Variants in CNTNAP2 observed in about 807,000 individuals in gnomAD.
The protein encoded by CNTNAP2 is contactin-associated protein-like 2.
CNTNAP2 carries 98 observed loss-of-function variants against 155.2 expected under a neutral mutation model. That is an observed-to-expected ratio of 0.63 (90% CI 0.54 to 0.75). CNTNAP2 has a LOEUF of 0.75. Ranked by LOEUF, CNTNAP2 falls within the 30% of genes least tolerant of loss-of-function variation. The pLI is 0.00. For missense variants in CNTNAP2, 1,727 were observed against 1,688.1 expected, an observed-to-expected ratio of 1.02 and a Z score of -0.40; for synonymous variants, 651 against 631.2, an observed-to-expected ratio of 1.03 and a Z score of -0.47.
chr7:147,230,419 G>T (rs370338841), intron 8 of CNTNAP2, among the ~76,000 whole-genome samples: 90 of 152,024 alleles, frequency 5.9e-4, no homozygotes, highest in African/African-American at 2.1e-3. Context: ...CACCATGCTG[G>T]GCTAATTTGT....
intron 8 of CNTNAP2, among the ~76,000 whole-genome samples, chr7:147,284,921 C>G (rs955364929): frequency 2.6e-5 from 4 of 151,772 alleles, no homozygotes; most frequent in African/African-American, 9.7e-5. Flanking sequence ...TGCTAGGAGT[C>G]ATGTAGAAGA....
At chr7:146,404,673 G>A (rs1795765868) in intron 1 of CNTNAP2, among the ~76,000 whole-genome samples, 1 of 152,094 alleles carries the variant, frequency 6.6e-6, no homozygotes, top group Non-Finnish European at 1.5e-5. Flanking sequence ...AACGCCTGTG[G>A]AGCCTCATCT....
intron 10 of CNTNAP2, among the ~76,000 whole-genome samples, chr7:147,468,499 T>C (rs1297844978): frequency 2.0e-5 from 3 of 152,360 alleles, no homozygotes; most frequent in Middle Eastern, 3.4e-3. Context: ...ACGGGACTTA[T>C]GTTAAATATT....
At chr7:146,848,654 G>C (rs1023521984) in intron 3 of CNTNAP2, among the ~76,000 whole-genome samples, 1 of 152,114 alleles carries the variant, frequency 6.6e-6, no homozygotes, top group East Asian at 1.9e-4. Flanking sequence ...GAGAAGAGGG[G>C]CAGGAAGTCA....
intron 11 of CNTNAP2, among the ~76,000 whole-genome samples, chr7:147,528,237 A>G (rs1352173176): frequency 6.6e-6 from 1 of 152,238 alleles, no homozygotes; most frequent in Non-Finnish European, 1.5e-5. Context: ...TATTTAGGGG[A>G]GAAAAATACA....
At chr7:148,369,879 C>A (rs919116536) in intron 21 of CNTNAP2, among the ~76,000 whole-genome samples, 3 of 152,062 alleles carry the variant, frequency 2.0e-5, no homozygotes, top group Non-Finnish European at 4.4e-5. Flanking sequence ...TCAGCTAAGT[C>A]ACCAGAACAT....
At chr7:147,650,419 T>C (rs1006072264) in intron 13 of CNTNAP2, among the ~76,000 whole-genome samples, 5 of 152,146 alleles carry the variant, frequency 3.3e-5, no homozygotes, top group African/African-American at 1.2e-4. Flanking sequence ...CATGTGGATT[T>C]CTTCTGTCTC....
intron 13 of CNTNAP2, among the ~76,000 whole-genome samples, chr7:147,642,218 T>C (rs1408230374): frequency 6.6e-6 from 1 of 151,958 alleles, no homozygotes; most frequent in Non-Finnish European, 1.5e-5. Flanking sequence ...GGGGTGGAGG[T>C]GGGGACAAAT....
intron 7 of CNTNAP2, among the ~76,000 whole-genome samples, chr7:147,129,717 A>G (rs1178810724): frequency 6.6e-6 from 1 of 152,180 alleles, no homozygotes; most frequent in Non-Finnish European, 1.5e-5. Context: ...CGTTGCCTCA[A>G]ATTTGAGCCC....
intron 8 of CNTNAP2, among the ~76,000 whole-genome samples, chr7:147,264,137 G>A (rs1001157201): frequency 6.6e-6 from 1 of 152,084 alleles, no homozygotes; most frequent in Non-Finnish European, 1.5e-5. Flanking sequence ...GTCAGACAAA[G>A]GCAAGGAAAA....
Position 148,360,571 on chromosome 7 carries a change from A to G in CNTNAP2, c.3476-23078A>G, listed in dbSNP as rs950973115. 5.3e-5 allele frequency among the ~76,000 whole-genome samples: 8 copies of G among 152,326 alleles called. No homozygotes were observed. The South Asian group carries it at 6.2e-4, about 12-fold the overall frequency. On this transcript the variant is annotated intron_variant, in intron 21 of 23. Coordinates refer to ENST00000361727, the MANE Select transcript of CNTNAP2 (RefSeq NM_014141.6). Reference sequence around the variant, plus strand: ...AAAAGTAAACACTTTTAAAAACTTAAAAGTGTAAGATTTTAAAGTGGTATA... The same window carrying G: ...AAAAGTAAACACTTTTAAAAACTTAGAAGTGTAAGATTTTAAAGTGGTATA...
chr7:148,110,749 C>T (rs530564007), intron 15 of CNTNAP2, among the ~76,000 whole-genome samples: 2 of 152,232 alleles, frequency 1.3e-5, no homozygotes, highest in South Asian at 2.1e-4. Context: ...CACCCCAGCT[C>T]CCCGCTATGA....
chr7:147,131,406 A>G (rs1263820729), intron 7 of CNTNAP2, among the ~76,000 whole-genome samples: 1 of 152,008 alleles, frequency 6.6e-6, no homozygotes, highest in Admixed American at 6.6e-5. Context: ...TAGACCTGTA[A>G]AGAGAATGTA....
chr7:147,207,569 A>G (rs905136277), intron 8 of CNTNAP2, among the ~76,000 whole-genome samples: 2 of 152,148 alleles, frequency 1.3e-5, no homozygotes, highest in African/African-American at 4.8e-5. Flanking sequence ...TTTTCTAGAC[A>G]TAGTTCTAAA....
At chr7:146,753,354 G>T in intron 1 of CNTNAP2, among the ~76,000 whole-genome samples, 1 of 151,024 alleles carries the variant, frequency 6.6e-6, no homozygotes. Flanking sequence ...TTATGTTTTT[G>T]CAAATTCCAT....
chr7:147,330,507 C>T (rs1468428228), intron 9 of CNTNAP2, among the ~76,000 whole-genome samples: 2 of 152,122 alleles, frequency 1.3e-5, no homozygotes, highest in Non-Finnish European at 2.9e-5. Flanking sequence ...ATGGGTTGGA[C>T]TTATGATTGG....
intron 13 of CNTNAP2, among the ~76,000 whole-genome samples, chr7:147,718,590 G>T (rs1720856636): frequency 6.6e-6 from 1 of 152,094 alleles, no homozygotes. Flanking sequence ...AGCAGGATTT[G>T]AGATCATTTT....
intron 1 of CNTNAP2, among the ~76,000 whole-genome samples, chr7:146,208,378 A>C (rs1798981773): frequency 6.6e-6 from 1 of 152,156 alleles, no homozygotes; most frequent in Non-Finnish European, 1.5e-5. Context: ...TCTTCTGTCA[A>C]GAAAAATTTC....
rs551153658 is a variant in CNTNAP2 at position 147,734,057 on chromosome 7, A to G, written c.2098+94751A>G. On this transcript the variant is annotated intron_variant, in intron 13 of 23. Coordinates refer to ENST00000361727, the MANE Select transcript of CNTNAP2 (RefSeq NM_014141.6). The stretch of plus-strand genomic sequence containing the variant: ...GCCAGAACTTCCAACACTATGTTCA[A>G]TAGTAGTGGTGAGAGAGGGCATCCT... Among the ~76,000 whole-genome samples the G allele has an allele frequency of 2.0e-5, 3 of 152,286 alleles. No homozygotes were observed. The South Asian group carries it at 6.2e-4, about 32-fold the overall frequency.
Sources: gnomAD v4.1 joint callset for allele counts (sites outside exome capture counted in the v4.1 genomes callset) on GRCh38, gnomAD v4.1.1 for gene constraint, MANE v1.5 for transcripts, NCBI Gene and HGNC (gene_info 2026-07-23, HGNC 2026-07-21) for gene names.